Variants in GBGT1 observed in about 807,000 individuals in gnomAD.
GBGT1 encodes the protein globoside alpha-1,3-N-acetylgalactosaminyltransferase 1 (FORS blood group).
GBGT1 carries 18 observed loss-of-function variants against 20.9 expected under a neutral mutation model. The ratio of observed to expected loss-of-function variants is 0.86; its 90% CI spans 0.60 to 1.28. The LOEUF is 1.28. Ranked by LOEUF, GBGT1 falls within the 50% of genes most tolerant of loss-of-function variation. The pLI is 0.00. For missense variants in GBGT1, 432 were observed against 455.7 expected, an observed-to-expected ratio of 0.95 and a Z score of 0.47; for synonymous variants, 168 against 180.8, an observed-to-expected ratio of 0.93 and a Z score of 0.57.
At position 133,153,442 on chromosome 9, in the gene GBGT1, G is replaced by A; in HGVS notation, c.*135C>T. The A allele has an allele frequency of 1.6e-6, 1 of 627,254 alleles. No individual in the cohort carries two copies. Among genetic ancestry groups the A allele is most frequent in the Non-Finnish European group, 2.8e-6 (1 of 360,332 alleles). The allele number at this position is 627,254 out of a possible 1,614,324, so 38.9% of individuals were successfully genotyped here. A position where few individuals can be genotyped will look rare whatever the true frequency, so the allele number is the denominator to read the frequency against. On this transcript the variant is annotated 3_prime_UTR_variant, in exon 7 of 7. Transcript: ENST00000372040. Reference sequence around the variant, plus strand: ...GCACAGCCCTCTGCAGTTCACAGTGGCCTTTCCACGTCCCTTTTCCGGTTG... The same window carrying A: ...GCACAGCCCTCTGCAGTTCACAGTGACCTTTCCACGTCCCTTTTCCGGTTG...
intron 5 of GBGT1, 40 bp from the exon 6 acceptor site, chr9:133,155,352 G>A: frequency 6.2e-7 from 1 of 1,611,438 alleles, no homozygotes; most frequent in Non-Finnish European, 8.5e-7. Context: ...ACCCTCCCCT[G>A]TGAAAGCCTA....
Position 133,154,440 on chromosome 9 carries a change from A to G in GBGT1, c.360-179T>C. The G allele has an allele frequency of 2.1e-6, 1 of 467,830 alleles. No homozygotes were observed. The highest frequency in any genetic ancestry group is 3.8e-6 in the Non-Finnish European group (1 of 265,166). The allele number at this position is 467,830 out of a possible 1,614,324, so 29.0% of individuals were successfully genotyped here. Reference sequence around the variant, plus strand: ...CCCAAAATGCTAGTACCAGCCTCTTACGGCTGTTGTAAGCATGTTCCTGGT... The same window carrying G: ...CCCAAAATGCTAGTACCAGCCTCTTGCGGCTGTTGTAAGCATGTTCCTGGT... On this transcript the variant is annotated intron_variant, in intron 6 of 6. Coordinates refer to ENST00000372040, the MANE Select transcript of GBGT1 (RefSeq NM_021996.6). The surrounding 1 kb of genome is among the most constrained non-coding windows in gnomAD (Gnocchi z 4.2).
At chr9:133,161,172 G>A (rs563404223) in intron 3 of GBGT1, 181 of 408,986 alleles carry the variant, frequency 4.4e-4, no homozygotes, top group Admixed American at 1.4e-3. Flanking sequence ...CTGTTTATGG[G>A]CATCTTTGCA....
chr9:133,161,791 G>A (rs955682302), intron 2 of GBGT1, among the ~76,000 whole-genome samples: 7 of 152,268 alleles, frequency 4.6e-5, no homozygotes, highest in Admixed American at 4.6e-4. Flanking sequence ...CTTGATGCCA[G>A]GCCCCCCACA....
chr9:133,154,198 C>T lies in GBGT1; in HGVS notation c.423G>A (p.Arg141=), dbSNP rs1389402173. The T allele has an allele frequency of 6.4e-7, 1 of 1,564,398 alleles. No individual in the cohort carries two copies. Residue 141 remains arginine (R), a synonymous_variant, in exon 7 of 7, where the codon CGG becomes CGA. Transcript: ENST00000372040. The surrounding 1 kb of genome is among the most constrained non-coding windows in gnomAD (Gnocchi z 4.2). ...TGTCAGTGAAGATGTAGTAGTGCAC[C>T]CGGTACCCACGCATGAAGAACTCCT... ...SAEEFFMRGY[R]VHYYIFTDNP...
intron 5 of GBGT1, 58 bp downstream of exon 5, chr9:133,155,843 A>T: frequency 6.3e-7 from 1 of 1,579,966 alleles, no homozygotes. Context: ...CCACCTTATA[A>T]ATCAGAGCTC....
chr9:133,155,107 TG>T, intron 6 of GBGT1, 70 bp downstream of exon 6: 1 of 1,427,820 alleles, frequency 7.0e-7, no homozygotes, highest in Non-Finnish European at 9.8e-7. Context: ...ACGTCTGGTC[TG>T]GTCTCTTCCC....
Position 133,155,405 on chromosome 9 carries a change from C to T in GBGT1, c.225-93G>A, listed in dbSNP as rs1832843693. ...GGCTCTCACACTGTGTGACCCGGGGCAGCTTCGTCCCCATCTCTGGGCCTC... is the reference window on the plus strand; with the variant it reads ...GGCTCTCACACTGTGTGACCCGGGGTAGCTTCGTCCCCATCTCTGGGCCTC... On this transcript the variant is annotated intron_variant, in intron 5 of 6. Transcript: ENST00000372040. 3 of 1,464,724 alleles carry T rather than the reference C, an allele frequency of 2.0e-6. No homozygotes were observed. The South Asian group carries it at 3.6e-5, about 17-fold the overall frequency. 90.7% of individuals were successfully genotyped at this position (1,464,724 alleles called of 1,614,324 possible). A position where few individuals can be genotyped will look rare whatever the true frequency, so the allele number is the denominator to read the frequency against.
rs1257190308 is a variant in GBGT1 at position 133,153,788 on chromosome 9, C to T, written c.833G>A (p.Gly278Asp). ...GTCCGCCAGGATGGCCATGTGGCAG[C>T]CCCTAGTAAACTCATATACCCTGGC... ...QVARVYEFTR[G>D]CHMAILADKA... Residue 278 changes from glycine to aspartate, a missense_variant, in exon 7 of 7, where the codon GGC becomes GAC. Gly to Asp is a moderately conservative substitution (Grantham distance 94). Transcript: ENST00000372040. 5 of 1,605,234 alleles carry T rather than the reference C, an allele frequency of 3.1e-6. No individual in the cohort carries two copies. Among genetic ancestry groups the T allele is most frequent in the African/African-American group, 1.3e-5 (1 of 74,918 alleles).
chr9:133,162,459 G>A lies in GBGT1; in HGVS notation c.-47C>T, dbSNP rs767630172. 4.6e-5 allele frequency: 69 copies of A among 1,502,776 alleles called. No homozygotes were observed. In the Admixed American group the frequency reaches 1.3e-3, roughly 27 times the overall value. 93.1% of individuals were successfully genotyped at this position (1,502,776 alleles called of 1,614,324 possible). On this transcript the variant is annotated 5_prime_UTR_variant, in exon 2 of 7. Coordinates refer to ENST00000372040, the MANE Select transcript of GBGT1 (RefSeq NM_021996.6). ...CTGGGCACTTGTAGAGACCCCCACT[G>A]GCCTGGGCGGATGAGGCTGTCCCCT...
chr9:133,153,750 T>C lies in GBGT1; in HGVS notation c.871A>G (p.Ile291Val). 1 of 1,613,072 alleles carries C rather than the reference T, an allele frequency of 6.2e-7. No homozygotes were observed. The highest frequency in any genetic ancestry group is 8.5e-7 in the Non-Finnish European group (1 of 1,179,516). Reference sequence around the variant, plus strand: ...CTTTCCTCCCGCCAGGCAGCCATGATGCCATTGGCCTTGTCCGCCAGGATG... The same window carrying C: ...CTTTCCTCCCGCCAGGCAGCCATGACGCCATTGGCCTTGTCCGCCAGGATG... ...MAILADKANGIMAAWREESHL... is the reference protein window; with the variant it reads ...MAILADKANGVMAAWREESHL... Residue 291 changes from isoleucine (I) to valine (V), a missense_variant, in exon 7 of 7, where the codon ATC (isoleucine) becomes GTC (valine). Physicochemically the swap from Ile to Val is conservative, Grantham distance 29. Transcript: ENST00000372040.
chr9:133,157,638 C>G (rs1222942209), intron 3 of GBGT1, among the ~76,000 whole-genome samples: 1 of 152,214 alleles, frequency 6.6e-6, no homozygotes, highest in African/African-American at 2.4e-5. Context: ...GTTTCAAGGT[C>G]AAACTGGTTG....
intron 1 of GBGT1, among the ~76,000 whole-genome samples, chr9:133,162,842 C>A (rs1564268776): frequency 6.6e-6 from 1 of 152,210 alleles, no homozygotes; most frequent in Non-Finnish European, 1.5e-5. Flanking sequence ...GCCAGGAATG[C>A]TCTTTATGGG....
rs1366527043 is a variant in GBGT1 at position 133,156,044 on chromosome 9, C to T, written c.159G>A (p.Lys53=). 1.9e-6 allele frequency: 3 copies of T among 1,614,118 alleles called. No individual in the cohort carries two copies. In the South Asian group the frequency reaches 3.3e-5, roughly 18 times the overall value. ...CCACGGGCTGGAGTGGCTTCTCCCT[C>T]TTGTAGTGCAGCTTCATGTTGCTGG... ...PEIFNMKLHY[K]REKPLQPVVW... The change falls in exon 4 of 7, where the codon AAG becomes AAA. Residue 53 remains lysine (K), a synonymous_variant. Coordinates refer to ENST00000372040, the MANE Select transcript of GBGT1 (RefSeq NM_021996.6).
intron 3 of GBGT1, chr9:133,159,988 TAA>T (rs61385460): frequency 2.3e-4 from 31 of 133,244 alleles, no homozygotes; most frequent in South Asian, 1.3e-3. Flanking sequence ...CTAGTAATAA[TAA>T]AAAAAAAAAA....
Position 133,162,457 on chromosome 9 carries a change from C to A in GBGT1, c.-45G>T. 1 of 1,528,134 alleles carries A rather than the reference C, an allele frequency of 6.5e-7. No individual in the cohort carries two copies. The highest frequency in any genetic ancestry group is 8.9e-7 in the Non-Finnish European group (1 of 1,118,540). The allele number at this position is 1,528,134 out of a possible 1,614,324, so 94.7% of individuals were successfully genotyped here. A position where few individuals can be genotyped will look rare whatever the true frequency, so the allele number is the denominator to read the frequency against. On this transcript the variant is annotated 5_prime_UTR_variant, in exon 2 of 7. Coordinates refer to ENST00000372040, the MANE Select transcript of GBGT1 (RefSeq NM_021996.6). ...GCCTGGGCACTTGTAGAGACCCCCA[C>A]TGGCCTGGGCGGATGAGGCTGTCCC...
rs1307068759 is a variant in GBGT1 at position 133,161,495 on chromosome 9, G to A, written c.109C>T (p.Pro37Ser). The A allele has an allele frequency of 6.2e-7, 1 of 1,611,106 alleles. No homozygotes were observed. The highest frequency in any genetic ancestry group is 2.2e-5 in the East Asian group (1 of 44,836). Reference sequence around the variant, plus strand: ...ATCTCTGGGCAGGGGAGATAATAGGGGACATAGGAGACTGGCAGCCAGTTC... The same window carrying A: ...ATCTCTGGGCAGGGGAGATAATAGGAGACATAGGAGACTGGCAGCCAGTTC... ...LENWLPVSYVPYYLPCPEIFN... is the reference protein window; with the variant it reads ...LENWLPVSYVSYYLPCPEIFN... The change falls in exon 3 of 7, where the codon CCC (proline) becomes TCC (serine). Residue 37 changes from proline to serine, a missense_variant. Transcript: ENST00000372040.
At chr9:133,161,080 A>G (rs2119323745) in intron 3 of GBGT1, 1 of 397,248 alleles carries the variant, frequency 2.5e-6, no homozygotes, top group East Asian at 3.6e-5. Context: ...CCTTGAATCC[A>G]TGGAACACAA....
rs1402613617 is a variant in GBGT1, at chr9:133,153,705, T to G, written c.916A>C (p.Ile306Leu). Residue 306 changes from isoleucine (I) to leucine (L), a missense_variant, in exon 7 of 7, where the codon ATC (isoleucine) becomes CTC (leucine). Transcript: ENST00000372040. ...REESHLNRHF[I>L]SNKPSKVLSP... ...AGCACCTTGGACGGCTTGTTTGAGA[T>G]GAAGTGACGGTTCAGGTGGCTTTCC... is the stretch of plus-strand genomic sequence containing the variant. 1 of 1,613,886 alleles carries G rather than the reference T, an allele frequency of 6.2e-7. No individual in the cohort carries two copies. The highest frequency in any genetic ancestry group is 1.1e-5 in the South Asian group (1 of 91,058).
Sources: allele counts gnomAD v4.1 joint callset (sites outside exome capture counted in the v4.1 genomes callset), GRCh38; gene constraint gnomAD v4.1.1; non-coding constraint Gnocchi (gnomAD v3.1); transcripts MANE v1.5; gene names NCBI Gene and HGNC (gene_info 2026-07-23, HGNC 2026-07-21).